ZBTB44: variants seen among roughly 807,000 people sequenced by gnomAD.
ZBTB44 encodes zinc finger and BTB domain containing 44.
ZBTB44 carries 15 observed loss-of-function variants against 54.0 expected under a neutral mutation model. The observed-to-expected ratio is 0.28, with a 90% CI of 0.19 to 0.43. The LOEUF (loss-of-function observed/expected upper bound fraction) is 0.43. Ranked by LOEUF, ZBTB44 falls within the 20% of genes least tolerant of loss-of-function variation. ZBTB44 has a pLI of 1.00. For synonymous variants in ZBTB44, 230 were observed against 250.1 expected (o/e 0.92, Z 0.76); for missense variants, 487 against 707.1 (o/e 0.69, Z 3.53).
At chr11:130,293,622 G>GAAAA (rs771432644) in intron 1 of ZBTB44, among the ~76,000 whole-genome samples, 7 of 100,058 alleles carry the variant, frequency 7.0e-5, no homozygotes, top group Non-Finnish European at 1.1e-4. Flanking sequence ...TCTACTTAAA[G>GAAAA]AAAAAAAAAA....
rs533191612 is a variant in ZBTB44, at chr11:130,236,097, G to C, written c.1568+696C>G. On this transcript the variant is annotated intron_variant, in intron 5 of 7. Transcript: ENST00000357899. ...TCTAGAGAAGGCCTTAGAAACCATC[G>C]TTTAAAGCTTACATTTTATCTTTCT... 3.1e-6 allele frequency: 4 copies of C among 1,276,266 alleles called. No individual in the cohort carries two copies. In the African/African-American group the frequency reaches 4.6e-5, roughly 15 times the overall value. The allele number at this position is 1,276,266 out of a possible 1,614,324, so 79.1% of individuals were successfully genotyped here.
At chr11:130,295,725 A>T (rs1565683816) in intron 1 of ZBTB44, 3 of 1,529,776 alleles carry the variant, frequency 2.0e-6, no homozygotes, top group Non-Finnish European at 2.7e-6. Flanking sequence ...AGCTGCAAAA[A>T]CAGGCAGTGG....
chr11:130,267,790 G>A (rs891196720), intron 1 of ZBTB44, among the ~76,000 whole-genome samples: 2 of 152,138 alleles, frequency 1.3e-5, no homozygotes, highest in Non-Finnish European at 2.9e-5. Context: ...AAGGCCGGGC[G>A]CAGTGGCTCA....
intron 1 of ZBTB44, among the ~76,000 whole-genome samples, chr11:130,263,238 G>A (rs1336160357): frequency 6.6e-6 from 1 of 152,170 alleles, no homozygotes; most frequent in Non-Finnish European, 1.5e-5. Context: ...AATGTAAACT[G>A]AGTGCTCCAC....
intron 1 of ZBTB44, among the ~76,000 whole-genome samples, chr11:130,301,863 A>C (rs1420148610): frequency 7.9e-5 from 12 of 152,024 alleles, no homozygotes; most frequent in Admixed American, 7.9e-4. Context: ...AGCCAATGCA[A>C]CATGGCAAAA....
intron 1 of ZBTB44, among the ~76,000 whole-genome samples, chr11:130,292,160 T>C (rs921753181): frequency 6.6e-6 from 1 of 152,254 alleles, no homozygotes; most frequent in Non-Finnish European, 1.5e-5. Flanking sequence ...CTGTTTATCA[T>C]TTAATTGTTG....
chr11:130,288,348 T>C (rs1941098602), intron 1 of ZBTB44, among the ~76,000 whole-genome samples: 1 of 151,622 alleles, frequency 6.6e-6, no homozygotes, highest in Admixed American at 6.6e-5. Context: ...TTCTCCAGCC[T>C]GGGTGACAGA....
intron 1 of ZBTB44, among the ~76,000 whole-genome samples, chr11:130,309,926 A>T (rs1212311038): frequency 6.6e-6 from 1 of 151,724 alleles, no homozygotes; most frequent in Non-Finnish European, 1.5e-5. Flanking sequence ...AAAAAAGTAG[A>T]TGGAGTCATA....
At chr11:130,285,861 T>C (rs1028699582) in intron 1 of ZBTB44, 1 of 153,990 alleles carries the variant, frequency 6.5e-6, no homozygotes, top group African/African-American at 2.4e-5. Flanking sequence ...TCAGAACTGC[T>C]AGCAGCCAGT....
At chr11:130,282,687 T>C (rs187918449) in intron 1 of ZBTB44, among the ~76,000 whole-genome samples, 73 of 152,316 alleles carry the variant, frequency 4.8e-4, no homozygotes, top group Admixed American at 1.0e-3. Flanking sequence ...ACCCCAAACA[T>C]AGAATTCTGT....
In ZBTB44 at chr11:130,260,961, G is replaced by C. The variant is rs1181822203; in HGVS notation, c.913C>G (p.Gln305Glu). Residue 305 changes from glutamine (Q) to glutamate (E), a missense_variant, in exon 2 of 8, where the codon CAG becomes GAG. This residue lies in a region of ZBTB44 where 277 missense variants were observed against 306.5 expected (regional missense o/e 0.90). Coordinates refer to ENST00000357899, the MANE Select transcript of ZBTB44 (RefSeq NM_001301098.2). ...SDEEVHEEVS[Q>E]PVSASQSSLS... The stretch of plus-strand genomic sequence containing the variant: ...GAACTCTGAGATGCACTGACAGGCT[G>C]GGACACTTCCTCATGGACCTCCTCA... 6.2e-7 allele frequency: 1 copy of C among 1,613,958 alleles called. No individual in the cohort carries two copies. Among genetic ancestry groups the C allele is most frequent in the Admixed American group, 1.7e-5 (1 of 60,008 alleles).
At chr11:130,236,112 T>C in intron 5 of ZBTB44, 1 of 1,281,514 alleles carries the variant, frequency 7.8e-7, no homozygotes, top group Non-Finnish European at 1.0e-6. Context: ...AAGCTTACAT[T>C]TTATCTTTCT....
chr11:130,267,130 G>A (rs910171605), intron 1 of ZBTB44, among the ~76,000 whole-genome samples: 1 of 151,884 alleles, frequency 6.6e-6, no homozygotes, highest in Admixed American at 6.6e-5. Context: ...TCAGTGTGAC[G>A]TCACATGCCT....
intron 2 of ZBTB44, 89 bp downstream of exon 2, chr11:130,260,767 G>T: frequency 7.2e-7 from 1 of 1,395,900 alleles, no homozygotes; most frequent in Non-Finnish European, 9.5e-7. Flanking sequence ...TTTCCTATAT[G>T]ACCGAGCACA....
chr11:130,296,016 G>A, intron 1 of ZBTB44: 1 of 1,570,894 alleles, frequency 6.4e-7, no homozygotes, highest in Non-Finnish European at 8.7e-7. Context: ...CAGGGTTTAT[G>A]TATAAAAACC....
chr11:130,312,618 AAAG>A (rs1942676162), intron 1 of ZBTB44, among the ~76,000 whole-genome samples: 1 of 152,198 alleles, frequency 6.6e-6, no homozygotes, highest in Admixed American at 6.5e-5. Flanking sequence ...TGTCAGAAAA[AAAG>A]AAGGGAGGGA....
At chr11:130,291,138 G>T (rs77057325) in intron 1 of ZBTB44, among the ~76,000 whole-genome samples, 8,101 of 146,530 alleles carry the variant, frequency 0.055, 579 homozygotes, top group African/African-American at 0.16. Context: ...AGCCTTTGTT[G>T]TTTTTTTTTT....
At chr11:130,301,818 T>A in intron 1 of ZBTB44, among the ~76,000 whole-genome samples, 1 of 152,088 alleles carries the variant, frequency 6.6e-6, no homozygotes, top group East Asian at 1.9e-4. Flanking sequence ...AGAGGCTGAG[T>A]TGGGCAGGCT....
chr11:130,294,939 A>G (rs1486875579), intron 1 of ZBTB44, among the ~76,000 whole-genome samples: 1 of 152,178 alleles, frequency 6.6e-6, no homozygotes. Context: ...AGAGTTTTTA[A>G]GCGTCCACAC....
Sources: gnomAD v4.1 joint callset for allele counts (sites outside exome capture counted in the v4.1 genomes callset) on GRCh38, gnomAD v4.1.1 for gene constraint, gnomAD v4.1.1 regional missense constraint, MANE v1.5 for transcripts, NCBI Gene and HGNC (gene_info 2026-07-23, HGNC 2026-07-21) for gene names.